Variants in PEAK1 observed in about 807,000 individuals in gnomAD.
PEAK1 encodes the protein pseudopodium enriched atypical kinase 1, also known as inactive tyrosine-protein kinase PEAK1.
A neutral mutation model predicts 124.7 loss-of-function variants in PEAK1; 54 were observed. The observed-to-expected ratio is 0.43, with a 90% confidence interval of 0.35 to 0.54. The LOEUF (loss-of-function observed/expected upper bound fraction) is 0.54. Ranked by LOEUF, PEAK1 falls within the 20% of genes least tolerant of loss-of-function variation. The pLI is 0.01. For synonymous variants in PEAK1, 719 were observed against 760.0 expected, an observed-to-expected ratio of 0.95 and a Z score of 0.89; for missense variants, 2,046 against 2,134.5, an observed-to-expected ratio of 0.96 and a Z score of 0.82.
intron 5 of PEAK1, among the ~76,000 whole-genome samples, chr15:77,264,026 C>A (rs1414518049): frequency 6.6e-6 from 1 of 152,108 alleles, no homozygotes; most frequent in Admixed American, 6.6e-5. Context: ...TCAATAGATG[C>A]AGAAAAGGCC....
chr15:77,266,555 T>C (rs1039535385), intron 5 of PEAK1, among the ~76,000 whole-genome samples: 1 of 152,170 alleles, frequency 6.6e-6, no homozygotes, highest in African/African-American at 2.4e-5. Flanking sequence ...TCTCATGACA[T>C]AATGTCCAAA....
At chr15:77,361,953 G>A (rs990055303) in intron 2 of PEAK1, among the ~76,000 whole-genome samples, 4 of 151,950 alleles carry the variant, frequency 2.6e-5, no homozygotes, top group African/African-American at 7.3e-5. Flanking sequence ...AGACTGGGAC[G>A]TTATGCTAAG....
At chr15:77,350,741 G>A (rs1449899161) in intron 2 of PEAK1, 2 of 984,688 alleles carry the variant, frequency 2.0e-6, no homozygotes, top group African/African-American at 3.5e-5. Context: ...TCATGCTGAA[G>A]CACCTTATGG....
chr15:77,358,100 T>C (rs557379285), intron 2 of PEAK1, among the ~76,000 whole-genome samples: 2 of 152,318 alleles, frequency 1.3e-5, no homozygotes, highest in South Asian at 4.1e-4. Context: ...CGGCAAATCT[T>C]ATGTTCTATC....
chr15:77,182,142 C>T (rs2057306602), intron 6 of PEAK1, 102 bp from the exon 7 acceptor site: 2 of 1,112,750 alleles, frequency 1.8e-6, no homozygotes, highest in African/African-American at 3.2e-5. Context: ...CTAAACTTTT[C>T]CTTAAATTAA....
chr15:77,368,587 G>A (rs1317854109), intron 1 of PEAK1, among the ~76,000 whole-genome samples: 1 of 151,768 alleles, frequency 6.6e-6, no homozygotes, highest in African/African-American at 2.4e-5. Context: ...CTAAGAAATT[G>A]TAGAAAAATA....
intron 6 of PEAK1, among the ~76,000 whole-genome samples, chr15:77,205,598 T>A (rs1422015167): frequency 6.6e-6 from 1 of 152,210 alleles, no homozygotes; most frequent in African/African-American, 2.4e-5. Flanking sequence ...CTCTGTAACA[T>A]CTTTGGTTGT....
At chr15:77,282,173 A>T (rs574566786) in intron 5 of PEAK1, among the ~76,000 whole-genome samples, 14 of 152,276 alleles carry the variant, frequency 9.2e-5, no homozygotes, top group African/African-American at 3.1e-4. Flanking sequence ...ATACATATAC[A>T]CACAAATCAA....
chr15:77,347,848 C>T (rs951233557), intron 2 of PEAK1: 1 of 984,392 alleles, frequency 1.0e-6, no homozygotes, highest in Admixed American at 6.2e-5. Flanking sequence ...AAAGCATCTA[C>T]AACATTAAAC....
intron 2 of PEAK1, among the ~76,000 whole-genome samples, chr15:77,332,582 A>C (rs2065957742): frequency 6.6e-6 from 1 of 152,162 alleles, no homozygotes; most frequent in Non-Finnish European, 1.5e-5. Context: ...GCTGGGCAAC[A>C]GAGCAAGACT....
Position 77,181,063 on chromosome 15 carries a change from G to A in PEAK1, c.864C>T (p.Asp288=), listed in dbSNP as rs1449146747. The A allele has an allele frequency of 6.2e-7, 1 of 1,614,032 alleles. No homozygotes were observed. The highest frequency in any genetic ancestry group is 8.5e-7 in the Non-Finnish European group (1 of 1,179,976). Residue 288 remains aspartate (D), a synonymous_variant, in exon 7 of 10, where the codon GAC becomes GAT. Transcript: ENST00000682557. ...NTLSPVRFFV[D]KKWNTIPLRN... ...GCAGGGGGATGGTATTCCATTTTTT[G>A]TCCACAAAGAATCGAACAGGAGACA... is the stretch of plus-strand genomic sequence containing the variant.
chr15:77,287,887 A>G (rs1344661242), intron 2 of PEAK1, among the ~76,000 whole-genome samples: 1 of 152,156 alleles, frequency 6.6e-6, no homozygotes, highest in Non-Finnish European at 1.5e-5. Flanking sequence ...ACACTTCACC[A>G]GTCATCTTCA....
chr15:77,117,416 C>T (rs1401388324), intron 9 of PEAK1, among the ~76,000 whole-genome samples: 2 of 152,126 alleles, frequency 1.3e-5, no homozygotes, highest in Non-Finnish European at 2.9e-5. Flanking sequence ...AAGTATATAG[C>T]GTACATCTGT....
At chr15:77,396,721 T>TA (rs2070916740) in intron 1 of PEAK1, among the ~76,000 whole-genome samples, 1 of 152,098 alleles carries the variant, frequency 6.6e-6, no homozygotes, top group Non-Finnish European at 1.5e-5. Context: ...AGCAATTAGA[T>TA]ATAACAATTG....
chr15:77,390,992 A>G (rs2070403193), intron 1 of PEAK1, among the ~76,000 whole-genome samples: 1 of 152,196 alleles, frequency 6.6e-6, no homozygotes, highest in African/African-American at 2.4e-5. Flanking sequence ...GCTCCCTAGG[A>G]CTGTGAGGGT....
At chr15:77,326,186 C>T (rs1190213584) in intron 2 of PEAK1, among the ~76,000 whole-genome samples, 1 of 152,028 alleles carries the variant, frequency 6.6e-6, no homozygotes, top group African/African-American at 2.4e-5. Flanking sequence ...CTCCCTTCCC[C>T]CAACACACAG....
chr15:77,280,296 A>G (rs997675515), intron 5 of PEAK1, among the ~76,000 whole-genome samples: 4 of 152,134 alleles, frequency 2.6e-5, no homozygotes, highest in Admixed American at 2.6e-4. Flanking sequence ...AGCTGAGATC[A>G]TGCCACTGCA....
chr15:77,240,796 A>C (rs1318826902), intron 6 of PEAK1, among the ~76,000 whole-genome samples: 1 of 152,162 alleles, frequency 6.6e-6, no homozygotes, highest in Non-Finnish European at 1.5e-5. Context: ...TTAACATAGT[A>C]AGTCTGACAC....
intron 8 of PEAK1, among the ~76,000 whole-genome samples, chr15:77,154,524 C>G (rs2054947374): frequency 6.6e-6 from 1 of 152,168 alleles, no homozygotes; most frequent in Non-Finnish European, 1.5e-5. Context: ...TTGATCCTGT[C>G]ATTATGATGT....
Sources: gnomAD v4.1 joint callset for allele counts (sites outside exome capture counted in the v4.1 genomes callset) on GRCh38, gnomAD v4.1.1 for gene constraint, MANE v1.5 for transcripts, NCBI Gene and HGNC (gene_info 2026-07-23, HGNC 2026-07-21) for gene names.